The following HFM1 variants were observed in gnomAD, a reference collection of about 807,000 sequenced individuals.
HFM1 encodes probable ATP-dependent DNA helicase HFM1.
In HFM1, 169 loss-of-function variants were observed where a neutral mutation model predicts 192.1. That is an observed-to-expected ratio of 0.88 (90% CI 0.78 to 1.00). HFM1 has a LOEUF of 1.00. Ranked by LOEUF, HFM1 falls within the 50% of genes least tolerant of loss-of-function variation. The probability of loss-of-function intolerance (pLI) is 0.00; values close to 1 mark genes in which losing one functional copy is unlikely to be tolerated. For missense variants in HFM1, 1,661 were observed against 1,668.0 expected, an observed-to-expected ratio of 1.00 and a Z score of 0.07; for synonymous variants, 525 against 537.8, an observed-to-expected ratio of 0.98 and a Z score of 0.33.
At chr1:91,327,158 G>A (rs1341361276) in intron 20 of HFM1, among the ~76,000 whole-genome samples, 1 of 152,264 alleles carries the variant, frequency 6.6e-6, no homozygotes, top group Non-Finnish European at 1.5e-5. Context: ...CAAAATGGCA[G>A]GAGTAAGTTC....
intron 19 of HFM1, among the ~76,000 whole-genome samples, chr1:91,345,487 T>TA (rs1220360926): frequency 1.3e-5 from 2 of 152,148 alleles, no homozygotes; most frequent in African/African-American, 4.8e-5. Flanking sequence ...ACGGGGAAGC[T>TA]ATTAAGAGTA....
At chr1:91,362,505 C>A (rs1189233679) in intron 13 of HFM1, among the ~76,000 whole-genome samples, 1 of 152,082 alleles carries the variant, frequency 6.6e-6, no homozygotes, top group Non-Finnish European at 1.5e-5. Flanking sequence ...AGAAACTTTT[C>A]AAGGAAAACT....
At chr1:91,324,011 T>G (rs576358535) in intron 21 of HFM1, among the ~76,000 whole-genome samples, 1 of 152,238 alleles carries the variant, frequency 6.6e-6, no homozygotes, top group South Asian at 2.1e-4. Context: ...TTTTCTTTTA[T>G]GAATATTGTT....
At chr1:91,285,749 T>C (rs966414021) in intron 30 of HFM1, among the ~76,000 whole-genome samples, 7 of 151,820 alleles carry the variant, frequency 4.6e-5, no homozygotes, top group South Asian at 2.1e-4. Context: ...GGTCCGAAAA[T>C]ATTACATGAA....
chr1:91,364,632 A>ATATATTTTTTT (rs753472335), intron 13 of HFM1, among the ~76,000 whole-genome samples: 17 of 66,782 alleles, frequency 2.5e-4, no homozygotes, highest in East Asian at 1.0e-3. Context: ...ATATATATAT[A>ATATATTTTTTT]TTTTTTTTTT....
chr1:91,265,412 C>G (rs1665664249), intron 36 of HFM1, among the ~76,000 whole-genome samples: 1 of 152,186 alleles, frequency 6.6e-6, no homozygotes, highest in African/African-American at 2.4e-5. Flanking sequence ...ATTGCCTGCA[C>G]AGTAACAACT....
At chr1:91,295,985 C>T (rs1647505921) in intron 30 of HFM1, among the ~76,000 whole-genome samples, 1 of 152,086 alleles carries the variant, frequency 6.6e-6, no homozygotes, top group African/African-American at 2.4e-5. Context: ...GGCTGGAGTG[C>T]AGTGGCAATC....
At chr1:91,324,187 C>T (rs1652545720) in intron 21 of HFM1, among the ~76,000 whole-genome samples, 1 of 152,138 alleles carries the variant, frequency 6.6e-6, no homozygotes, top group South Asian at 2.1e-4. Flanking sequence ...GTTCTTTTAT[C>T]TAGGTCATCA....
intron 13 of HFM1, among the ~76,000 whole-genome samples, chr1:91,357,144 C>T (rs1211954325): frequency 6.6e-6 from 1 of 152,138 alleles, no homozygotes; most frequent in African/African-American, 2.4e-5. Context: ...CACATAAAGA[C>T]ACTACAAGAA....
intron 4 of HFM1, among the ~76,000 whole-genome samples, chr1:91,388,698 A>AGG (rs1321492550): frequency 6.6e-6 from 1 of 152,234 alleles, no homozygotes; most frequent in Non-Finnish European, 1.5e-5. Context: ...ATTAGGCAAT[A>AGG]GTTTCTTAGA....
intron 20 of HFM1, among the ~76,000 whole-genome samples, chr1:91,334,919 A>G (rs912013306): frequency 2.7e-5 from 4 of 149,572 alleles, no homozygotes; most frequent in South Asian, 2.1e-4. Flanking sequence ...ACAGAGCAAG[A>G]CTCTCTGTCT....
intron 16 of HFM1, 40 bp from the exon 17 acceptor site, chr1:91,351,683 C>T: frequency 1.8e-6 from 2 of 1,081,608 alleles, no homozygotes; most frequent in Non-Finnish European, 2.8e-6. Flanking sequence ...AAGAAGAGCA[C>T]ATCTTGGTAG....
chr1:91,361,065 T>C (rs933789192), intron 13 of HFM1, among the ~76,000 whole-genome samples: 1 of 152,148 alleles, frequency 6.6e-6, no homozygotes, highest in Middle Eastern at 3.4e-3. Context: ...GAGAAACATA[T>C]AGCACCAAAT....
chr1:91,270,043 G>A (rs1666134579), intron 34 of HFM1, among the ~76,000 whole-genome samples: 1 of 152,116 alleles, frequency 6.6e-6, no homozygotes, highest in Non-Finnish European at 1.5e-5. Context: ...TATTGAAGAT[G>A]TTTCAGCAGA....
intron 11 of HFM1, among the ~76,000 whole-genome samples, chr1:91,376,771 A>G (rs1315168964): frequency 7.2e-5 from 11 of 151,898 alleles, no homozygotes; most frequent in Non-Finnish European, 1.6e-4. Flanking sequence ...AATAGCAATA[A>G]TAATTCCATT....
At chr1:91,370,359 A>G (rs1405658341) in intron 13 of HFM1, among the ~76,000 whole-genome samples, 9 of 152,240 alleles carry the variant, frequency 5.9e-5, no homozygotes, top group South Asian at 2.1e-4. Context: ...CTGGCAAACC[A>G]AATCCAGCAG....
intron 30 of HFM1, among the ~76,000 whole-genome samples, chr1:91,296,936 C>G (rs991325791): frequency 2.6e-5 from 4 of 152,144 alleles, no homozygotes; most frequent in Non-Finnish European, 5.9e-5. Context: ...GAATGTCAGA[C>G]AGTGGGTGCA....
In HFM1 at chr1:91,373,148, T is replaced by TAAA. The variant is rs10670686; in HGVS notation, c.1685+2207_1685+2209dup. ...TTTATAGTCTACCTTTTTAGTGGAT[T>TAAA]AAAAAAAAACAAAGAATGTAAAGAA... is the stretch of plus-strand genomic sequence containing the variant. On this transcript the variant is annotated intron_variant, in intron 13 of 38. Coordinates refer to ENST00000370425, the MANE Select transcript of HFM1 (RefSeq NM_001017975.6). 8.0e-3 allele frequency among the ~76,000 whole-genome samples: 1,202 copies of TAAA among 150,178 alleles called. 21 individuals carry two copies. The highest frequency in any genetic ancestry group is 0.026 in the African/African-American group (1,065 of 41,014).
intron 2 of HFM1, among the ~76,000 whole-genome samples, chr1:91,397,218 T>C (rs970261377): frequency 6.6e-6 from 1 of 152,204 alleles, no homozygotes; most frequent in African/African-American, 2.4e-5. Context: ...ATCTACAAAC[T>C]ACAGAAAAAT....
Sources: allele counts gnomAD v4.1 joint callset (sites outside exome capture counted in the v4.1 genomes callset), GRCh38; gene constraint gnomAD v4.1.1; transcripts MANE v1.5; gene names NCBI Gene and HGNC (gene_info 2026-07-23, HGNC 2026-07-21).